Variants in CRB1 observed in about 807,000 individuals in gnomAD.
CRB1 encodes the protein protein crumbs homolog 1.
Under a neutral mutation model 120.0 loss-of-function variants are expected in CRB1, and 83 were observed. That is an observed-to-expected ratio of 0.69 (90% CI 0.58 to 0.83). The LOEUF (loss-of-function observed/expected upper bound fraction) is 0.83. Ranked by LOEUF, CRB1 falls within the 40% of genes least tolerant of loss-of-function variation. The probability of loss-of-function intolerance (pLI) is 0.00; values close to 1 mark genes in which losing one functional copy is unlikely to be tolerated. For missense variants in CRB1, 1,699 were observed against 1,687.6 expected (o/e 1.01, Z -0.12); for synonymous variants, 625 against 612.5 (o/e 1.02, Z -0.30).
intron 1 of CRB1, among the ~76,000 whole-genome samples, chr1:197,286,020 A>G (rs1049678182): frequency 6.6e-6 from 1 of 151,852 alleles, no homozygotes; most frequent in Non-Finnish European, 1.5e-5. Context: ...ACAGACTTGA[A>G]AGAGTATAGG....
At position 197,477,478 on chromosome 1, in the gene CRB1, T is replaced by A. The variant is rs1005096846; in HGVS notation, c.4006-186T>A. On this transcript the variant is annotated intron_variant, in intron 11 of 11. Transcript: ENST00000367400. ...GACTGTAGACTTTAGATTCTAGATA[T>A]ATGATTATTTGTAAATGATTTGAGA... 3 of 699,680 alleles carry A rather than the reference T, an allele frequency of 4.3e-6. No homozygotes were observed. In the Admixed American group the frequency reaches 6.1e-5, roughly 14 times the overall value. The allele number at this position is 699,680 out of a possible 1,614,324, so 43.3% of individuals were successfully genotyped here. A position where few individuals can be genotyped will look rare whatever the true frequency, so the allele number is the denominator to read the frequency against.
chr1:197,452,668 G>A lies in CRB1; in HGVS notation c.4005+10376G>A, dbSNP rs187336028. Among the ~76,000 whole-genome samples the A allele has an allele frequency of 3.3e-5, 5 of 152,296 alleles. No homozygotes were observed. The East Asian group carries it at 9.7e-4, about 29-fold the overall frequency. The stretch of plus-strand genomic sequence containing the variant: ...ACACAACAAATAGGGATCAGAGCAA[G>A]GTTTAGAACCTGGGAGTACTTACTT... On this transcript the variant is annotated intron_variant, in intron 11 of 11. Transcript: ENST00000367400.
At chr1:197,381,310 T>C (rs1442869945) in intron 5 of CRB1, among the ~76,000 whole-genome samples, 1 of 152,250 alleles carries the variant, frequency 6.6e-6, no homozygotes, top group Non-Finnish European at 1.5e-5. Context: ...AAAAGGAGAC[T>C]AGATTATTAC....
chr1:197,450,281 C>T (rs569315019), intron 11 of CRB1, among the ~76,000 whole-genome samples: 13 of 152,174 alleles, frequency 8.5e-5, no homozygotes, highest in Non-Finnish European at 1.6e-4. Flanking sequence ...GAACAAGATA[C>T]ATGGTTTTCC....
intron 10 of CRB1, chr1:197,440,362 A>G (rs1665373438): frequency 6.6e-6 from 1 of 152,226 alleles, no homozygotes; most frequent in African/African-American, 2.4e-5. Context: ...TATTTGAAAT[A>G]TAGAAAGAAA....
chr1:197,405,038 C>T (rs529683841), intron 5 of CRB1, among the ~76,000 whole-genome samples: 10 of 143,884 alleles, frequency 7.0e-5, no homozygotes, highest in Non-Finnish European at 1.4e-4. Flanking sequence ...ATAATGTGCT[C>T]GCCCTCGCCC....
chr1:197,410,681 T>A (rs536026402), intron 5 of CRB1, among the ~76,000 whole-genome samples: 1 of 152,356 alleles, frequency 6.6e-6, no homozygotes, highest in African/African-American at 2.4e-5. Flanking sequence ...CAGCATATTT[T>A]CCACTTATAA....
chr1:197,292,468 T>C (rs12067305), intron 1 of CRB1, among the ~76,000 whole-genome samples: 33,822 of 152,074 alleles, frequency 0.22, 4,213 homozygotes, highest in Middle Eastern at 0.29. Flanking sequence ...ACAGCCGAAT[T>C]CTACCAGAGG....
chr1:197,453,480 ATAAC>A (rs1369756893), intron 11 of CRB1, among the ~76,000 whole-genome samples: 1 of 146,562 alleles, frequency 6.8e-6, no homozygotes, highest in Admixed American at 6.9e-5. Context: ...TATACATTAA[ATAAC>A]TGTGTGTGTA....
At chr1:197,280,009 A>C (rs1293517191) in intron 1 of CRB1, among the ~76,000 whole-genome samples, 1 of 151,786 alleles carries the variant, frequency 6.6e-6, no homozygotes, top group African/African-American at 2.4e-5. Context: ...CCCATTTTGC[A>C]GAGATATCTA....
At chr1:197,359,365 A>C (rs1660657308) in intron 5 of CRB1, among the ~76,000 whole-genome samples, 1 of 149,832 alleles carries the variant, frequency 6.7e-6, no homozygotes. Context: ...TTTTTTTTCC[A>C]CTCAGCATCA....
At chr1:197,255,962 ATT>A in the CRB1 span, among the ~76,000 whole-genome samples, 19 of 38,706 alleles carry the variant, frequency 4.9e-4, no homozygotes, top group South Asian at 1.1e-3. Flanking sequence ...AATATAGAAC[ATT>A]TTATATATAT....
the CRB1 span, among the ~76,000 whole-genome samples, chr1:197,235,371 G>A: frequency 6.6e-6 from 1 of 152,130 alleles, no homozygotes; most frequent in African/African-American, 2.4e-5. Flanking sequence ...TCTGAAAGAG[G>A]TTATTGAGCC....
rs563857130 is a variant in CRB1, at chr1:197,434,969, G to A, written c.3106G>A (p.Glu1036Lys). The A allele has an allele frequency of 1.3e-5, 21 of 1,613,930 alleles. No homozygotes were observed. Among genetic ancestry groups the A allele is most frequent in the Admixed American group, 3.3e-5 (2 of 59,960 alleles). ...LQSVNDGTWH[E>K]VTLSMTDPLS... ...GTCAGTGAATGATGGCACATGGCACGAAGTGACCCTTTCCATGACAGACCC... is the reference window on the plus strand; with the variant it reads ...GTCAGTGAATGATGGCACATGGCACAAAGTGACCCTTTCCATGACAGACCC... The change falls in exon 9 of 12, where the codon GAA (glutamate) becomes AAA (lysine). Residue 1036 changes from glutamate (E) to lysine (K), a missense_variant. Glu to Lys is a moderately conservative substitution (Grantham distance 56, BLOSUM62 1). Coordinates refer to ENST00000367400, the MANE Select transcript of CRB1 (RefSeq NM_201253.3).
chr1:197,355,613 C>T (rs911900811), intron 4 of CRB1, among the ~76,000 whole-genome samples: 3 of 152,192 alleles, frequency 2.0e-5, no homozygotes, highest in East Asian at 1.9e-4. Context: ...GGGGCTCCTG[C>T]GTACCCTCCA....
At chr1:197,288,208 A>G (rs1232513507) in intron 1 of CRB1, among the ~76,000 whole-genome samples, 2 of 151,866 alleles carry the variant, frequency 1.3e-5, no homozygotes, top group Non-Finnish European at 1.5e-5. Context: ...AAAGTTCCCA[A>G]GACCTGGGAA....
chr1:197,377,121 A>G (rs573842692), intron 5 of CRB1, among the ~76,000 whole-genome samples: 1 of 152,186 alleles, frequency 6.6e-6, no homozygotes, highest in Admixed American at 6.6e-5. Flanking sequence ...TCTGCACCCC[A>G]ACACATACAA....
At chr1:197,219,490 G>A in the CRB1 span, among the ~76,000 whole-genome samples, 9 of 152,208 alleles carry the variant, frequency 5.9e-5, no homozygotes, top group African/African-American at 2.2e-4. Flanking sequence ...GGTCCATAAA[G>A]CTTACCTATT....
the CRB1 span, among the ~76,000 whole-genome samples, chr1:197,225,422 A>C: frequency 6.6e-6 from 1 of 152,364 alleles, no homozygotes; most frequent in African/African-American, 2.4e-5. Context: ...GTGGCAGAGC[A>C]TCTTAATTGC....
Sources: allele counts gnomAD v4.1 joint callset (sites outside exome capture counted in the v4.1 genomes callset), GRCh38; gene constraint gnomAD v4.1.1; transcripts MANE v1.5; gene names NCBI Gene and HGNC (gene_info 2026-07-23, HGNC 2026-07-21).